The following CNTN4 variants were observed in gnomAD, a reference collection of about 807,000 sequenced individuals.
CNTN4 encodes the protein contactin-4.
A neutral mutation model predicts 122.5 loss-of-function variants in CNTN4; 77 were observed. That is an observed-to-expected ratio of 0.63 (90% CI 0.52 to 0.76). The LOEUF is 0.76. Among genes scored for constraint, CNTN4 ranks in the 30% least tolerant of loss-of-function variants. The pLI is 0.00. For synonymous variants in CNTN4, 512 were observed against 447.0 expected (o/e 1.15, Z -1.83); for missense variants, 1,256 against 1,259.1 (o/e 1.00, Z 0.04).
At chr3:3,047,454 G>C (rs968811372) in intron 23 of CNTN4, among the ~76,000 whole-genome samples, 1 of 151,882 alleles carries the variant, frequency 6.6e-6, no homozygotes, top group African/African-American at 2.4e-5. Context: ...GATCAAACTA[G>C]AACTCAGGAT....
intron 2 of CNTN4, among the ~76,000 whole-genome samples, chr3:2,138,803 T>C (rs2034837728): frequency 6.6e-6 from 1 of 152,150 alleles, no homozygotes; most frequent in Non-Finnish European, 1.5e-5. Context: ...ATTTTGGAAC[T>C]TCTCAGTCTC....
chr3:2,950,117 A>G (rs536440133), intron 13 of CNTN4, among the ~76,000 whole-genome samples: 61 of 152,362 alleles, frequency 4.0e-4, no homozygotes, highest in Admixed American at 3.7e-3. Context: ...GTTGTCGAAC[A>G]TGTGGACTTG....
chr3:2,302,662 C>T (rs1438568097), intron 2 of CNTN4, among the ~76,000 whole-genome samples: 1 of 152,136 alleles, frequency 6.6e-6, no homozygotes, highest in Non-Finnish European at 1.5e-5. Flanking sequence ...AGGATTCCTC[C>T]ACCTCCAACT....
chr3:2,785,669 G>C (rs927854722), intron 6 of CNTN4, among the ~76,000 whole-genome samples: 1 of 152,202 alleles, frequency 6.6e-6, no homozygotes, highest in Non-Finnish European at 1.5e-5. Context: ...TGAGTGGTCA[G>C]GAAAACCCCT....
intron 4 of CNTN4, among the ~76,000 whole-genome samples, chr3:2,576,204 T>C (rs545296384): frequency 1.3e-5 from 2 of 152,302 alleles, no homozygotes; most frequent in South Asian, 4.1e-4. Flanking sequence ...GATATTTCTG[T>C]CCTTTTAGTT....
At chr3:2,984,373 G>A (rs1480992335) in intron 13 of CNTN4, among the ~76,000 whole-genome samples, 1 of 152,196 alleles carries the variant, frequency 6.6e-6, no homozygotes, top group African/African-American at 2.4e-5. Flanking sequence ...GACCCCCAGG[G>A]TATCTTTGAC....
intron 3 of CNTN4, among the ~76,000 whole-genome samples, chr3:2,495,530 T>C (rs74671248): frequency 0.012 from 1,775 of 152,334 alleles, 30 homozygotes; most frequent in African/African-American, 0.037. Flanking sequence ...GTTACCTGTC[T>C]GTGGCCTGTT....
At chr3:2,781,537 C>CTG (rs1449715114) in intron 6 of CNTN4, among the ~76,000 whole-genome samples, 1 of 151,946 alleles carries the variant, frequency 6.6e-6, no homozygotes, top group East Asian at 1.9e-4. Flanking sequence ...TGACTATGGC[C>CTG]TGTGACACAG....
rs1301258000 is a variant in CNTN4 at position 2,247,160 on chromosome 3, G to A, written c.-144-92018G>A. Reference sequence around the variant, plus strand: ...TTTCTAGGTGGATGTCATACCCAGCGAATTCTGTTGATAAGCTATTGCCGT... The same window carrying A: ...TTTCTAGGTGGATGTCATACCCAGCAAATTCTGTTGATAAGCTATTGCCGT... On this transcript the variant is annotated intron_variant, in intron 2 of 24. Coordinates refer to ENST00000418658, the MANE Select transcript of CNTN4 (RefSeq NM_175607.3). 3.3e-5 allele frequency among the ~76,000 whole-genome samples: 5 copies of A among 152,010 alleles called. No homozygotes were observed. In the South Asian group the frequency reaches 8.3e-4, roughly 25 times the overall value.
chr3:2,664,997 A>C (rs2084079880), intron 4 of CNTN4, among the ~76,000 whole-genome samples: 1 of 152,206 alleles, frequency 6.6e-6, no homozygotes, highest in Admixed American at 6.6e-5. Context: ...CTGAAATACC[A>C]ATAACAACCA....
At chr3:2,905,248 T>C (rs1284172115) in intron 12 of CNTN4, among the ~76,000 whole-genome samples, 1 of 152,240 alleles carries the variant, frequency 6.6e-6, no homozygotes, top group Non-Finnish European at 1.5e-5. Flanking sequence ...ACTAGAAGTG[T>C]TAGTCTGTTT....
chr3:2,360,529 C>G (rs768274522), intron 3 of CNTN4, among the ~76,000 whole-genome samples: 2 of 152,092 alleles, frequency 1.3e-5, no homozygotes, highest in Non-Finnish European at 2.9e-5. Context: ...TTTCATGCTG[C>G]TATAAAGAAC....
intron 4 of CNTN4, among the ~76,000 whole-genome samples, chr3:2,672,743 G>A (rs2084605935): frequency 6.6e-6 from 1 of 152,138 alleles, no homozygotes; most frequent in Non-Finnish European, 1.5e-5. Context: ...TCTATAAAAT[G>A]TTTTAAATAT....
intron 5 of CNTN4, among the ~76,000 whole-genome samples, chr3:2,741,786 C>T (rs2089469867): frequency 6.6e-6 from 1 of 152,050 alleles, no homozygotes; most frequent in South Asian, 2.1e-4. Context: ...CTTTGTTTTC[C>T]CCCAAACTGT....
At chr3:2,127,754 G>A (rs945028512) in intron 2 of CNTN4, among the ~76,000 whole-genome samples, 1 of 152,080 alleles carries the variant, frequency 6.6e-6, no homozygotes, top group Admixed American at 6.6e-5. Flanking sequence ...TGAACTAAAT[G>A]GAGCCACATT....
chr3:2,624,854 G>T lies in CNTN4; in HGVS notation c.55+53296G>T, dbSNP rs139228231. Among the ~76,000 whole-genome samples, 57 of 151,738 alleles carry T rather than the reference G, an allele frequency of 3.8e-4. 1 individual carries two copies. The South Asian group carries it at 0.012, about 32-fold the overall frequency. The stretch of plus-strand genomic sequence containing the variant: ...TCACCCCATTGGCCAGGCTGGTCTC[G>T]AACTCCTGGCCTCAATGATCCACCC... On this transcript the variant is annotated intron_variant, in intron 4 of 24. Coordinates refer to ENST00000418658, the MANE Select transcript of CNTN4 (RefSeq NM_175607.3).
chr3:2,398,738 C>T (rs1359388116), intron 3 of CNTN4, among the ~76,000 whole-genome samples: 5 of 152,130 alleles, frequency 3.3e-5, no homozygotes, highest in Admixed American at 6.6e-5. Flanking sequence ...GTGTATACCA[C>T]GGAACTGAGA....
intron 4 of CNTN4, among the ~76,000 whole-genome samples, chr3:2,577,900 A>T (rs2079765635): frequency 6.6e-6 from 1 of 152,168 alleles, no homozygotes; most frequent in Non-Finnish European, 1.5e-5. Context: ...GGTGCAGTTT[A>T]CCAACTTCAG....
Position 2,197,491 on chromosome 3 carries a change from C to T in CNTN4, c.-145+96852C>T, listed in dbSNP as rs559967383. ...AATGCACTACATTTCTGGTAATCTG[C>T]AATATAATCCTGTGGGGATAGGAGT... is the stretch of plus-strand genomic sequence containing the variant. On this transcript the variant is annotated intron_variant, in intron 2 of 24. Coordinates refer to ENST00000418658, the MANE Select transcript of CNTN4 (RefSeq NM_175607.3). Among the ~76,000 whole-genome samples, 6 of 152,286 alleles carry T rather than the reference C, an allele frequency of 3.9e-5. No homozygotes were observed. In the South Asian group the frequency reaches 6.2e-4, roughly 16 times the overall value.
Sources: allele counts gnomAD v4.1 joint callset (sites outside exome capture counted in the v4.1 genomes callset), GRCh38; gene constraint gnomAD v4.1.1; transcripts MANE v1.5; gene names NCBI Gene and HGNC (gene_info 2026-07-23, HGNC 2026-07-21).